GRID2: variants seen among roughly 807,000 people sequenced by gnomAD.
GRID2 encodes the protein glutamate receptor ionotropic, delta-2.
GRID2 carries 33 observed loss-of-function variants against 114.8 expected under a neutral mutation model. That is an observed-to-expected ratio of 0.29 (90% CI 0.22 to 0.38). The LOEUF (loss-of-function observed/expected upper bound fraction) is 0.38, where lower values mean the gene tolerates loss of function less well. Among genes scored for constraint, GRID2 ranks in the 10% least tolerant of loss-of-function variants. The probability of loss-of-function intolerance (pLI) is 1.00; values close to 1 mark genes in which losing one functional copy is unlikely to be tolerated. For synonymous variants in GRID2, 505 were observed against 449.9 expected (o/e 1.12, Z -1.55); for missense variants, 1,184 against 1,257.7 (o/e 0.94, Z 0.89).
At chr4:93,053,535 C>T (rs915468966) in intron 2 of GRID2, among the ~76,000 whole-genome samples, 3 of 151,868 alleles carry the variant, frequency 2.0e-5, no homozygotes, top group African/African-American at 7.2e-5. Context: ...TCATTGAATA[C>T]TGAAGGGAAT....
intron 8 of GRID2, among the ~76,000 whole-genome samples, chr4:93,258,434 A>G (rs1414131020): frequency 2.0e-5 from 3 of 151,750 alleles, no homozygotes; most frequent in African/African-American, 7.2e-5. Flanking sequence ...AGAAAATTAT[A>G]TTGGAGGACA....
intron 8 of GRID2, among the ~76,000 whole-genome samples, chr4:93,346,523 T>C (rs1760253755): frequency 6.6e-6 from 1 of 152,120 alleles, no homozygotes; most frequent in African/African-American, 2.4e-5. Context: ...AGCCCAAAGG[T>C]GATAAATTTG....
At chr4:92,705,796 T>C (rs1315881868) in intron 2 of GRID2, among the ~76,000 whole-genome samples, 2 of 152,228 alleles carry the variant, frequency 1.3e-5, no homozygotes, top group Admixed American at 6.5e-5. Flanking sequence ...ATGCTGTCAG[T>C]AACTTATTAT....
intron 10 of GRID2, among the ~76,000 whole-genome samples, chr4:93,448,161 G>A (rs916096758): frequency 2.0e-5 from 3 of 151,826 alleles, no homozygotes; most frequent in South Asian, 2.1e-4. Flanking sequence ...AAAGGGGAAA[G>A]TAGGGGAAAA....
rs146655254 is a variant in GRID2, at chr4:92,701,386, G to T, written c.244+111100G>T. ...TTGTGTATACAAGTGACATGTTTAA[G>T]CAAAATGATGCTAATATAATAAAAA... is the stretch of plus-strand genomic sequence containing the variant. On this transcript the variant is annotated intron_variant, in intron 2 of 15. Coordinates refer to ENST00000282020, the MANE Select transcript of GRID2 (RefSeq NM_001510.4). Among the ~76,000 whole-genome samples the T allele has an allele frequency of 4.8e-3, 730 of 152,108 alleles. 8 individuals carry two copies. Among genetic ancestry groups the T allele is most frequent in the African/African-American group, 0.015 (634 of 41,520 alleles).
intron 2 of GRID2, among the ~76,000 whole-genome samples, chr4:92,647,021 T>A (rs965238039): frequency 8.5e-5 from 13 of 152,220 alleles, no homozygotes; most frequent in African/African-American, 3.1e-4. Context: ...ACTTGTTCCC[T>A]AAAAAGCTAA....
At chr4:93,039,516 T>C (rs1477192295) in intron 2 of GRID2, among the ~76,000 whole-genome samples, 2 of 152,070 alleles carry the variant, frequency 1.3e-5, no homozygotes, top group Non-Finnish European at 2.9e-5. Flanking sequence ...GTATATATAT[T>C]ACATATCTGT....
chr4:93,230,775 C>T (rs1746037993), intron 7 of GRID2, among the ~76,000 whole-genome samples: 1 of 152,012 alleles, frequency 6.6e-6, no homozygotes, highest in Non-Finnish European at 1.5e-5. Flanking sequence ...TAAACATGCA[C>T]ACCAAGAAAT....
intron 8 of GRID2, among the ~76,000 whole-genome samples, chr4:93,325,587 T>C (rs146298905): frequency 6.6e-6 from 1 of 152,152 alleles, no homozygotes; most frequent in African/African-American, 2.4e-5. Flanking sequence ...TTAATTAAAC[T>C]ACAGTTTCTA....
At chr4:92,568,090 A>G (rs1727423213) in intron 1 of GRID2, among the ~76,000 whole-genome samples, 1 of 152,052 alleles carries the variant, frequency 6.6e-6, no homozygotes, top group South Asian at 2.1e-4. Flanking sequence ...GAAGTTGAGC[A>G]AGACCTGAAG....
At chr4:93,180,530 T>C (rs1739794320) in intron 4 of GRID2, among the ~76,000 whole-genome samples, 1 of 152,124 alleles carries the variant, frequency 6.6e-6, no homozygotes, top group African/African-American at 2.4e-5. Flanking sequence ...ACCTCTTCCT[T>C]TCACAAAAGG....
intron 2 of GRID2, among the ~76,000 whole-genome samples, chr4:92,800,922 G>T (rs1217402407): frequency 6.6e-6 from 1 of 151,924 alleles, no homozygotes; most frequent in Non-Finnish European, 1.5e-5. Context: ...CCCCTGTCTT[G>T]CTCAGTTACT....
intron 1 of GRID2, among the ~76,000 whole-genome samples, chr4:92,500,172 T>C (rs1177491404): frequency 2.6e-5 from 4 of 152,140 alleles, no homozygotes; most frequent in Non-Finnish European, 5.9e-5. Flanking sequence ...GTTTCTTTTT[T>C]TTTAAATCTT....
intron 3 of GRID2, among the ~76,000 whole-genome samples, chr4:93,098,143 C>T (rs1560875949): frequency 1.3e-5 from 2 of 152,018 alleles, no homozygotes; most frequent in East Asian, 3.9e-4. Flanking sequence ...GAGATATTTA[C>T]CTCTTTTTAA....
At chr4:93,205,263 G>A (rs1175111481) in intron 4 of GRID2, among the ~76,000 whole-genome samples, 1 of 151,318 alleles carries the variant, frequency 6.6e-6, no homozygotes, top group Non-Finnish European at 1.5e-5. Context: ...CATAGGTTAT[G>A]TTTTAATTAT....
chr4:92,567,214 G>A (rs865945653), intron 1 of GRID2, among the ~76,000 whole-genome samples: 5 of 151,792 alleles, frequency 3.3e-5, no homozygotes, highest in African/African-American at 1.2e-4. Context: ...GCTTTCTAAT[G>A]GTGTCATTTC....
At chr4:93,629,670 T>C (rs1486395574) in intron 14 of GRID2, among the ~76,000 whole-genome samples, 1 of 152,196 alleles carries the variant, frequency 6.6e-6, no homozygotes, top group African/African-American at 2.4e-5. Flanking sequence ...ACTGAAAATA[T>C]AGTATACTAG....
chr4:93,475,154 C>A (rs927387532), intron 11 of GRID2, among the ~76,000 whole-genome samples: 2 of 152,040 alleles, frequency 1.3e-5, no homozygotes, highest in Non-Finnish European at 2.9e-5. Flanking sequence ...CTCAGTGACT[C>A]CAGAGGCTGT....
At chr4:93,428,749 A>G (rs1447402502) in intron 10 of GRID2, among the ~76,000 whole-genome samples, 2 of 152,216 alleles carry the variant, frequency 1.3e-5, no homozygotes, top group African/African-American at 4.8e-5. Context: ...TCTAACAGAT[A>G]TATTTTTAAA....
Sources: allele counts gnomAD v4.1 joint callset (sites outside exome capture counted in the v4.1 genomes callset), GRCh38; gene constraint gnomAD v4.1.1; transcripts MANE v1.5; gene names NCBI Gene and HGNC (gene_info 2026-07-23, HGNC 2026-07-21).